Variants in LMF1 observed in about 807,000 individuals in gnomAD.
LMF1 encodes the protein lipase maturation factor 1.
In LMF1, 68 loss-of-function variants were observed where a neutral mutation model predicts 60.6. The ratio of observed to expected loss-of-function variants is 1.12; its 90% confidence interval spans 0.92 to 1.37. The LOEUF (loss-of-function observed/expected upper bound fraction) is 1.37. Ranked by LOEUF, LMF1 falls within the 40% of genes most tolerant of loss-of-function variation. The probability of loss-of-function intolerance (pLI) is 0.00; values close to 1 mark genes in which losing one functional copy is unlikely to be tolerated. For synonymous variants in LMF1, 418 were observed against 324.7 expected, an observed-to-expected ratio of 1.29 and a Z score of -3.09; for missense variants, 948 against 767.2, an observed-to-expected ratio of 1.24 and a Z score of -2.78.
At chr16:887,470 G>A (rs1225919902) in intron 5 of LMF1, among the ~76,000 whole-genome samples, 1 of 152,218 alleles carries the variant, frequency 6.6e-6, no homozygotes, top group Non-Finnish European at 1.5e-5. Flanking sequence ...GTACCCGTGG[G>A]GGAGCTCGGC....
At chr16:899,075 G>A (rs577691938) in intron 4 of LMF1, 1 of 152,298 alleles carries the variant, frequency 6.6e-6, no homozygotes, top group Non-Finnish European at 1.5e-5. Context: ...TCACAGGAGA[G>A]CACTGTCCTG....
At chr16:948,577 G>A (rs188985683) in intron 2 of LMF1, among the ~76,000 whole-genome samples, 3 of 132,752 alleles carry the variant, frequency 2.3e-5, no homozygotes, top group African/African-American at 5.2e-5. Context: ...TAGAGACAAC[G>A]ACAGAGTCAG....
intron 4 of LMF1, among the ~76,000 whole-genome samples, chr16:908,198 G>A (rs1408711247): frequency 6.6e-6 from 1 of 152,240 alleles, no homozygotes; most frequent in Non-Finnish European, 1.5e-5. Flanking sequence ...CAGCCTGTGA[G>A]AATATCTGTA....
chr16:894,539 G>A (rs1337074864), intron 4 of LMF1, among the ~76,000 whole-genome samples: 2 of 152,160 alleles, frequency 1.3e-5, no homozygotes, highest in African/African-American at 4.8e-5. Flanking sequence ...CATAGAGGCC[G>A]CATGCTGCAG....
chr16:925,120 C>T (rs2071558203), intron 3 of LMF1, among the ~76,000 whole-genome samples: 1 of 152,254 alleles, frequency 6.6e-6, no homozygotes, highest in African/African-American at 2.4e-5. Context: ...CCTCTTCAGC[C>T]ACACAGGAAG....
chr16:899,766 C>G (rs11859028), intron 4 of LMF1: 72,796 of 152,132 alleles, frequency 0.48, 18,628 homozygotes, highest in African/African-American at 0.67. Context: ...CGGCGTAAAG[C>G]GCTTTGCAGA....
chr16:898,299 C>T (rs2070717910), intron 4 of LMF1, among the ~76,000 whole-genome samples: 1 of 127,262 alleles, frequency 7.9e-6, no homozygotes, highest in African/African-American at 3.5e-5. Flanking sequence ...TGTTTCCTCC[C>T]CAAGCACCTG....
At chr16:918,789 C>G (rs975189573) in intron 3 of LMF1, among the ~76,000 whole-genome samples, 4 of 152,154 alleles carry the variant, frequency 2.6e-5, no homozygotes, top group African/African-American at 9.7e-5. Context: ...AGTGACCACG[C>G]GGGGCCGACG....
At chr16:981,299 TGTGTGAGAGAGAGAGAGAGAGAGA>T (rs2073355762), upstream of LMF1, 4 of 379,274 alleles carry the variant, frequency 1.1e-5, no homozygotes, top group East Asian at 8.8e-5. Flanking sequence ...TGTGTGTGTG[TGTGTGAGAGAGAGAGAGAGAGAGA>T]GAGAGAGAGA....
Position 894,415 on chromosome 16 carries a change from G to A in LMF1, c.664-1343C>T, listed in dbSNP as rs532681976. 8.0e-3 allele frequency among the ~76,000 whole-genome samples: 270 copies of A among 33,664 alleles called. 3 individuals are homozygous for A. Among genetic ancestry groups the A allele is most frequent in the African/African-American group, 0.028 (248 of 8,852 alleles). The allele number at this position is 33,664 out of a possible 152,430, so 22.1% of individuals were successfully genotyped here. ...CTGTCCCCTGTCCACTGGACCGTCC[G>A]TCGACTCATCCCCTGTCCACCTGGC... is the stretch of plus-strand genomic sequence containing the variant. On this transcript the variant is annotated intron_variant, in intron 4 of 10. Transcript: ENST00000262301.
intron 1 of LMF1, chr16:964,003 A>T (rs1597085768): frequency 2.2e-6 from 1 of 455,852 alleles, no homozygotes; most frequent in Non-Finnish European, 4.4e-6. Flanking sequence ...GAGGCAGCAG[A>T]GCCATGGCGG....
At position 878,656 on chromosome 16, in the gene LMF1, C is replaced by T. The variant is rs1354912851; in HGVS notation, c.897+914G>A. Among the ~76,000 whole-genome samples, 3 of 151,174 alleles carry T rather than the reference C, an allele frequency of 2.0e-5. No individual in the cohort carries two copies. The highest frequency in any genetic ancestry group is 4.9e-5 in the African/African-American group (2 of 41,024). On this transcript the variant is annotated intron_variant, in intron 6 of 10. Transcript: ENST00000262301. This position sits in a 1 kb window ranked among gnomAD's most constrained non-coding sequence, Gnocchi z 5.2. The stretch of plus-strand genomic sequence containing the variant: ...CAACCATGGGCGCCCCCACGTGCAC[C>T]AACGTGGCGTGGCACCCGTGCCTGC...
intron 5 of LMF1, among the ~76,000 whole-genome samples, chr16:886,611 G>A (rs1208261619): frequency 3.0e-4 from 2 of 6,590 alleles, no homozygotes; most frequent in African/African-American, 2.0e-3. Flanking sequence ...TAGGCCCCCG[G>A]CGTTCCCCAG....
At chr16:872,138 G>A (rs1394431979) in intron 6 of LMF1, 1 of 152,220 alleles carries the variant, frequency 6.6e-6, no homozygotes, top group Non-Finnish European at 1.5e-5. Context: ...TTGCCGTGGA[G>A]GCATCAGGGA....
At chr16:936,855 T>G (rs1597032354) in intron 2 of LMF1, among the ~76,000 whole-genome samples, 1 of 152,342 alleles carries the variant, frequency 6.6e-6, no homozygotes, top group East Asian at 1.9e-4. Context: ...GTAGTCCCAG[T>G]GACCTTGGGG....
chr16:857,828 GTC>G (rs1408530516), intron 10 of LMF1, among the ~76,000 whole-genome samples: 1 of 68,672 alleles, frequency 1.5e-5, no homozygotes. Context: ...TGTGAGTGGT[GTC>G]TCGGGATGGG....
At position 874,857 on chromosome 16, in the gene LMF1, A is replaced by C. The variant is rs1234718997; in HGVS notation, c.898-3516T>G. ...TACGCAGCCCCAGCCAGGACACTAC[A>C]ATGTTAGAGGGCGCGGGTCACTCTC... On this transcript the variant is annotated intron_variant, in intron 6 of 10. Transcript: ENST00000262301. The surrounding 1 kb of genome is among the most constrained non-coding windows in gnomAD (Gnocchi z 4.1). Among the ~76,000 whole-genome samples, 2 of 151,998 alleles carry C rather than the reference A, an allele frequency of 1.3e-5. No homozygotes were observed. Among genetic ancestry groups the C allele is most frequent in the Non-Finnish European group, 2.9e-5 (2 of 67,980 alleles).
At chr16:953,421 A>G (rs71384616) in intron 2 of LMF1, among the ~76,000 whole-genome samples, 5 of 53,986 alleles carry the variant, frequency 9.3e-5, no homozygotes, top group East Asian at 4.8e-4. Flanking sequence ...CCAGCCTCCT[A>G]CACGTTCACA....
rs568768241 is a variant in LMF1 at position 892,020 on chromosome 16, C to A, written c.729+987G>T. On this transcript the variant is annotated intron_variant, in intron 5 of 10. Transcript: ENST00000262301. Reference sequence around the variant, plus strand: ...ATGGGCTATGGAGACATCTCAAGAGCCTGAAGAATAAAGTCAGGACACAGC... The same window carrying A: ...ATGGGCTATGGAGACATCTCAAGAGACTGAAGAATAAAGTCAGGACACAGC... 2.0e-5 allele frequency among the ~76,000 whole-genome samples: 3 copies of A among 152,300 alleles called. No homozygotes were observed. In the East Asian group the frequency reaches 5.8e-4, roughly 29 times the overall value.
Sources: allele counts gnomAD v4.1 joint callset (sites outside exome capture counted in the v4.1 genomes callset), GRCh38; gene constraint gnomAD v4.1.1; non-coding constraint Gnocchi (gnomAD v3.1); transcripts MANE v1.5; gene names NCBI Gene and HGNC (gene_info 2026-07-23, HGNC 2026-07-21).